The following GIMAP4 variants were observed in gnomAD, a reference collection of about 807,000 sequenced individuals.
The protein encoded by GIMAP4 is GTPase IMAP family member 4.
A neutral mutation model predicts 10.8 loss-of-function variants in GIMAP4; 12 were observed. The ratio of observed to expected loss-of-function variants is 1.11; its 90% CI spans 0.71 to 1.81. GIMAP4 has a LOEUF of 1.81. Ranked by LOEUF, GIMAP4 falls within the 40% of genes most tolerant of loss-of-function variation. The pLI is 0.00. For synonymous variants in GIMAP4, 149 were observed against 147.2 expected, an observed-to-expected ratio of 1.01 and a Z score of -0.09; for missense variants, 412 against 404.6, an observed-to-expected ratio of 1.02 and a Z score of -0.16.
At chr7:150,571,231 G>A (rs934631518) in intron 2 of GIMAP4, among the ~76,000 whole-genome samples, 2 of 152,124 alleles carry the variant, frequency 1.3e-5, no homozygotes, top group Non-Finnish European at 2.9e-5. Context: ...TTTTTCCTTA[G>A]ATAATCTTAG....
chr7:150,568,902 C>G (rs1795695582), intron 1 of GIMAP4, among the ~76,000 whole-genome samples: 1 of 152,202 alleles, frequency 6.6e-6, no homozygotes, highest in South Asian at 2.1e-4. Flanking sequence ...GGAAGACTCT[C>G]TGGAGAGCCG....
chr7:150,569,031 T>C (rs980895991), intron 1 of GIMAP4, among the ~76,000 whole-genome samples: 2 of 151,988 alleles, frequency 1.3e-5, no homozygotes, highest in African/African-American at 4.8e-5. Context: ...TTCCAGAACA[T>C]TGAGGGTAGT....
chr7:150,572,357 A>G lies in GIMAP4; in HGVS notation c.287A>G (p.Asn96Ser), dbSNP rs1795741626. 3.1e-6 allele frequency: 5 copies of G among 1,614,068 alleles called. No individual in the cohort carries two copies. The highest frequency in any genetic ancestry group is 1.1e-5 in the South Asian group (1 of 91,088). ...GGCATTTTCGACACAGAGGTGCCCA[A>G]TGCTGAAACGTCCAAGGAGATTATT... ...TPGIFDTEVP[N>S]AETSKEIIRC... is the part of the protein sequence containing the mutation. Residue 96 changes from asparagine (N) to serine (S), a missense_variant, in exon 3 of 3, where the codon AAT (asparagine) becomes AGT (serine). Coordinates refer to ENST00000255945, the MANE Select transcript of GIMAP4 (RefSeq NM_018326.3).
Position 150,572,480 on chromosome 7 carries a change from T to C in GIMAP4, c.410T>C (p.Ile137Thr), listed in dbSNP as rs374327836. 4 of 1,614,096 alleles carry C rather than the reference T, an allele frequency of 2.5e-6. No homozygotes were observed. The highest frequency in any genetic ancestry group is 3.4e-6 in the Non-Finnish European group (4 of 1,179,966). Residue 137 changes from isoleucine (I) to threonine (T), a missense_variant, in exon 3 of 3, where the codon ATC becomes ACC. Physicochemically the swap from Ile to Thr is moderately conservative, Grantham distance 89. Coordinates refer to ENST00000255945, the MANE Select transcript of GIMAP4 (RefSeq NM_018326.3). ...TEEEHKATEK[I>T]LKMFGERARS... is the part of the protein sequence containing the mutation. ...GAAGAGCACAAAGCCACAGAGAAGA[T>C]CCTGAAAATGTTTGGAGAGAGGGCT...
rs1795734139 is a variant in GIMAP4 at position 150,572,018 on chromosome 7, A to G, written c.59-111A>G. Reference sequence around the variant, plus strand: ...CTGAGTGCAGCAGTAACATCAGGAGAAGCCCCCACAGCCAGTAACGGAGGA... The same window carrying G: ...CTGAGTGCAGCAGTAACATCAGGAGGAGCCCCCACAGCCAGTAACGGAGGA... On this transcript the variant is annotated intron_variant, in intron 2 of 2. Coordinates refer to ENST00000255945, the MANE Select transcript of GIMAP4 (RefSeq NM_018326.3). The G allele has an allele frequency of 7.4e-6, 5 of 677,706 alleles. No individual in the cohort carries two copies. In the South Asian group the frequency reaches 7.5e-5, roughly 10 times the overall value. The allele number at this position is 677,706 out of a possible 1,614,324, so 42.0% of individuals were successfully genotyped here.
chr7:150,570,101 C>G, intron 2 of GIMAP4, 142 bp downstream of exon 2: 1 of 658,410 alleles, frequency 1.5e-6, no homozygotes, highest in Non-Finnish European at 2.7e-6. Flanking sequence ...TATTTCCAAC[C>G]TCTTTTCTCA....
rs149764191 is a variant in GIMAP4 at position 150,572,692 on chromosome 7, C to T, written c.622C>T (p.Leu208=). The stretch of plus-strand genomic sequence containing the variant: ...GGCCCAGAGGGCACAGTTGCTGGGC[C>T]TGATCCAGCGCGTGGTGAGGGAGAA... ...QEAQRAQLLG[L]IQRVVRENKE... is the part of the protein sequence containing the mutation. The change falls in exon 3 of 3, where the codon CTG becomes TTG. Residue 208 remains leucine (L), a synonymous_variant. Coordinates refer to ENST00000255945, the MANE Select transcript of GIMAP4 (RefSeq NM_018326.3). 746 of 1,614,178 alleles carry T rather than the reference C, an allele frequency of 4.6e-4. 12 individuals are homozygous for T. In the South Asian group the frequency reaches 4.9e-3, roughly 11 times the overall value.
At chr7:150,569,431 G>T (rs970839112) in intron 1 of GIMAP4, among the ~76,000 whole-genome samples, 1 of 152,208 alleles carries the variant, frequency 6.6e-6, no homozygotes, top group Non-Finnish European at 1.5e-5. Flanking sequence ...CATCTGCTGA[G>T]CGGGGAGCCA....
intron 2 of GIMAP4, among the ~76,000 whole-genome samples, chr7:150,571,066 C>G (rs541039586): frequency 6.6e-6 from 1 of 152,300 alleles, no homozygotes; most frequent in South Asian, 2.1e-4. Context: ...CACTGACTAA[C>G]TGTTGCAGTG....
intron 2 of GIMAP4, among the ~76,000 whole-genome samples, chr7:150,571,548 A>G (rs897005613): frequency 6.6e-6 from 1 of 152,136 alleles, no homozygotes; most frequent in African/African-American, 2.4e-5. Flanking sequence ...TGGGAGGCCG[A>G]GGCGGGTGGA....
At position 150,572,335 on chromosome 7, in the gene GIMAP4, A is replaced by G. The variant is rs377155868; in HGVS notation, c.265A>G (p.Ile89Val). Residue 89 changes from isoleucine (I) to valine (V), a missense_variant, in exon 3 of 3, where the codon ATT becomes GTT. By Grantham distance (29) the Ile-to-Val change is conservative. Transcript: ENST00000255945. ...ACTTGTCGTAGTTGACACACCAGGC[A>G]TTTTCGACACAGAGGTGCCCAATGC... ...TELVVVDTPG[I>V]FDTEVPNAET... 37 of 1,613,918 alleles carry G rather than the reference A, an allele frequency of 2.3e-5. No homozygotes were observed. Among genetic ancestry groups the G allele is most frequent in the Non-Finnish European group, 3.1e-5 (36 of 1,179,994 alleles).
chr7:150,568,144 G>A (rs933577810), intron 1 of GIMAP4, among the ~76,000 whole-genome samples: 4 of 152,174 alleles, frequency 2.6e-5, no homozygotes, highest in African/African-American at 7.2e-5. Context: ...GCATTAAAGA[G>A]CCCACACACT....
Position 150,572,514 on chromosome 7 carries a change from C to G in GIMAP4, c.444C>G (p.Phe148Leu), listed in dbSNP as rs745648652. The change falls in exon 3 of 3, where the codon TTC becomes TTG. Residue 148 changes from phenylalanine to leucine, a missense_variant. Transcript: ENST00000255945. ...LKMFGERARS[F>L]MILIFTRKDD... Reference sequence around the variant, plus strand: ...TGTTTGGAGAGAGGGCTAGAAGTTTCATGATTCTCATATTCACCCGGAAAG... The same window carrying G: ...TGTTTGGAGAGAGGGCTAGAAGTTTGATGATTCTCATATTCACCCGGAAAG... 18 of 1,614,060 alleles carry G rather than the reference C, an allele frequency of 1.1e-5. No individual in the cohort carries two copies. Among genetic ancestry groups the G allele is most frequent in the Non-Finnish European group, 1.5e-5 (18 of 1,180,012 alleles).
intron 2 of GIMAP4, among the ~76,000 whole-genome samples, chr7:150,571,410 T>C (rs1464499062): frequency 2.0e-5 from 3 of 152,170 alleles, no homozygotes; most frequent in Non-Finnish European, 4.4e-5. Context: ...ATTTTGAATA[T>C]AAATTGGGAA....
In GIMAP4 at chr7:150,572,316, C is replaced by T. The variant is rs751639611; in HGVS notation, c.246C>T (p.Val82=). The part of the protein sequence containing the change: ...RSSSWKETEL[V]VVDTPGIFDT... ...GCTCATGGAAGGAAACAGAACTTGT[C>T]GTAGTTGACACACCAGGCATTTTCG... Residue 82 remains valine, a synonymous_variant, in exon 3 of 3, where the codon GTC becomes GTT. Coordinates refer to ENST00000255945, the MANE Select transcript of GIMAP4 (RefSeq NM_018326.3). 25 of 1,613,760 alleles carry T rather than the reference C, an allele frequency of 1.5e-5. No individual in the cohort carries two copies. The highest frequency in any genetic ancestry group is 4.0e-5 in the African/African-American group (3 of 74,930).
chr7:150,569,302 T>C (rs570894968), intron 1 of GIMAP4, among the ~76,000 whole-genome samples: 4 of 152,176 alleles, frequency 2.6e-5, no homozygotes, highest in Non-Finnish European at 4.4e-5. Context: ...ATGGGTAATT[T>C]CGAGTTTTTT....
rs568321495 is a variant in GIMAP4, at chr7:150,569,977, G to A, written c.58+18G>A. 1 of 1,391,590 alleles carries A rather than the reference G, an allele frequency of 7.2e-7. No homozygotes were observed. Among genetic ancestry groups the A allele is most frequent in the South Asian group, 1.1e-5 (1 of 88,090 alleles). The allele number at this position is 1,391,590 out of a possible 1,614,324, so 86.2% of individuals were successfully genotyped here. On this transcript the variant is annotated intron_variant, in intron 2 of 2. Coordinates refer to ENST00000255945, the MANE Select transcript of GIMAP4 (RefSeq NM_018326.3). ...CAGTTATGGTGAGAGGGCATTCAGT[G>A]CTCCCCAGACCAGGCTGCAGGGAGG...
chr7:150,573,318 A>G lies in GIMAP4; in HGVS notation c.*258A>G. The G allele has an allele frequency of 2.9e-6, 1 of 348,306 alleles. No individual in the cohort carries two copies. Among genetic ancestry groups the G allele is most frequent in the Non-Finnish European group, 5.2e-6 (1 of 191,348 alleles). The allele number at this position is 348,306 out of a possible 1,614,324, so 21.6% of individuals were successfully genotyped here. A position where few individuals can be genotyped will look rare whatever the true frequency, so the allele number is the denominator to read the frequency against. On this transcript the variant is annotated 3_prime_UTR_variant, in exon 3 of 3. Transcript: ENST00000255945. ...TTAGACATGCAGAGAAAATGTATGC[A>G]AGAGACCAAAAAGATGGCTCCAAGC...
chr7:150,569,244 G>A (rs890574524), intron 1 of GIMAP4, among the ~76,000 whole-genome samples: 1 of 152,198 alleles, frequency 6.6e-6, no homozygotes, highest in African/African-American at 2.4e-5. Context: ...AGCCTGTTAA[G>A]TTGTATACAA....
Sources: gnomAD v4.1 joint callset for allele counts (sites outside exome capture counted in the v4.1 genomes callset) on GRCh38, gnomAD v4.1.1 for gene constraint, MANE v1.5 for transcripts, NCBI Gene and HGNC (gene_info 2026-07-23, HGNC 2026-07-21) for gene names.